The following RBM33 variants were observed in gnomAD, a reference collection of about 807,000 sequenced individuals.
RBM33 encodes RNA-binding protein 33.
A neutral mutation model predicts 132.6 loss-of-function variants in RBM33; 28 were observed. That is an observed-to-expected ratio of 0.21 (90% CI 0.16 to 0.29). The LOEUF (loss-of-function observed/expected upper bound fraction) is 0.29, where lower values mean the gene tolerates loss of function less well. Ranked by LOEUF, RBM33 falls within the 10% of genes least tolerant of loss-of-function variation. The pLI, the probability that RBM33 is intolerant of heterozygous loss-of-function variation, is 1.00. For missense variants in RBM33, 1,291 were observed against 1,518.5 expected (o/e 0.85, Z 2.49); for synonymous variants, 634 against 593.0 (o/e 1.07, Z -1.01).
intron 9 of RBM33, among the ~76,000 whole-genome samples, chr7:155,723,378 A>G (rs145607922): frequency 6.6e-6 from 1 of 152,322 alleles, no homozygotes; most frequent in Non-Finnish European, 1.5e-5. Flanking sequence ...CAGATCTATA[A>G]GTAGTAGCAG....
intron 1 of RBM33, among the ~76,000 whole-genome samples, chr7:155,647,072 C>T (rs1481492626): frequency 6.6e-6 from 1 of 152,184 alleles, no homozygotes; most frequent in Non-Finnish European, 1.5e-5. Context: ...GCTTATTTGG[C>T]AGCTCAGTTT....
intron 1 of RBM33, among the ~76,000 whole-genome samples, chr7:155,658,188 C>T (rs1236215003): frequency 1.3e-5 from 2 of 151,986 alleles, no homozygotes; most frequent in South Asian, 4.1e-4. Flanking sequence ...GATGAATTGA[C>T]CCTTTGATCG....
At chr7:155,663,562 C>T (rs887394636) in intron 1 of RBM33, among the ~76,000 whole-genome samples, 6 of 152,146 alleles carry the variant, frequency 3.9e-5, no homozygotes, top group African/African-American at 1.4e-4. Flanking sequence ...CCGGATCTGC[C>T]CCGGGACCCC....
intron 1 of RBM33, among the ~76,000 whole-genome samples, chr7:155,653,909 G>A (rs531529580): frequency 6.6e-6 from 1 of 152,260 alleles, no homozygotes; most frequent in African/African-American, 2.4e-5. Context: ...TCTGAAGTGG[G>A]GCAGCCTTGT....
chr7:155,719,587 A>G (rs10226125), intron 9 of RBM33, among the ~76,000 whole-genome samples: 42,204 of 152,010 alleles, frequency 0.28, 6,877 homozygotes, highest in African/African-American at 0.45. Flanking sequence ...AAAACATTAG[A>G]TGATATTTAT....
intron 8 of RBM33, among the ~76,000 whole-genome samples, chr7:155,711,967 C>G (rs780046197): frequency 6.6e-6 from 1 of 152,234 alleles, no homozygotes; most frequent in Non-Finnish European, 1.5e-5. Flanking sequence ...TTCCTTGGCT[C>G]TTCCCCATTC....
At chr7:155,719,565 T>C (rs1027785606) in intron 9 of RBM33, among the ~76,000 whole-genome samples, 2 of 152,196 alleles carry the variant, frequency 1.3e-5, no homozygotes, top group Non-Finnish European at 2.9e-5. Context: ...GTTCTAAAAA[T>C]TAGTTGTTTT....
intron 6 of RBM33, among the ~76,000 whole-genome samples, chr7:155,702,439 A>G (rs1208055872): frequency 6.6e-6 from 1 of 152,186 alleles, no homozygotes; most frequent in African/African-American, 2.4e-5. Context: ...TATGATATGA[A>G]GTTGCCAGTT....
chr7:155,722,072 A>G (rs1800644278), intron 9 of RBM33, among the ~76,000 whole-genome samples: 1 of 152,194 alleles, frequency 6.6e-6, no homozygotes, highest in African/African-American at 2.4e-5. Flanking sequence ...AATTAGATTT[A>G]TGTACTTAAT....
chr7:155,712,873 A>G (rs899383011), intron 8 of RBM33, among the ~76,000 whole-genome samples: 3 of 152,240 alleles, frequency 2.0e-5, no homozygotes, highest in Admixed American at 6.5e-5. Flanking sequence ...GGGTTTGAGC[A>G]GAGGAATGAC....
At chr7:155,719,188 T>C (rs1057262764) in intron 9 of RBM33, among the ~76,000 whole-genome samples, 2 of 151,762 alleles carry the variant, frequency 1.3e-5, no homozygotes, top group African/African-American at 4.9e-5. Context: ...TTTTTTTTTT[T>C]AAACAGTGTA....
chr7:155,745,437 G>A lies in RBM33; in HGVS notation c.2814G>A (p.Val938=). 1.2e-6 allele frequency: 2 copies of A among 1,613,882 alleles called. No individual in the cohort carries two copies. The highest frequency in any genetic ancestry group is 1.7e-6 in the Non-Finnish European group (2 of 1,179,862). Reference sequence around the variant, plus strand: ...TGCTCCCGATCAAACCTGCAGATGTGGAGGAGCCAGCTGTCCCCCAGACTC... The same window carrying A: ...TGCTCCCGATCAAACCTGCAGATGTAGAGGAGCCAGCTGTCCCCCAGACTC... ...HKVLPIKPAD[V]EEPAVPQTPR... is the part of the protein sequence containing the mutation. The change falls in exon 14 of 18, where the codon GTG becomes GTA. Residue 938 remains valine, a synonymous_variant. Transcript: ENST00000401878. The surrounding 1 kb of genome is among the most constrained non-coding windows in gnomAD (Gnocchi z 4.1).
chr7:155,661,146 A>ATATT (rs1421586760), intron 1 of RBM33, among the ~76,000 whole-genome samples: 26 of 81,188 alleles, frequency 3.2e-4, no homozygotes, highest in East Asian at 1.4e-3. Flanking sequence ...ATATATATAT[A>ATATT]TTTTTTTTTT....
chr7:155,708,854 T>C (rs1439286742), intron 7 of RBM33, among the ~76,000 whole-genome samples: 1 of 152,166 alleles, frequency 6.6e-6, no homozygotes, highest in East Asian at 1.9e-4. Flanking sequence ...ATTTTGTCTC[T>C]TTGAGTCTTG....
chr7:155,741,871 C>G lies in RBM33; in HGVS notation c.2102C>G (p.Thr701Ser). The G allele has an allele frequency of 1.2e-6, 2 of 1,614,066 alleles. No individual in the cohort carries two copies. The highest frequency in any genetic ancestry group is 1.7e-6 in the Non-Finnish European group (2 of 1,179,898). The change falls in exon 13 of 18, where the codon ACT (threonine) becomes AGT (serine). Residue 701 changes from threonine (T) to serine (S), a missense_variant. Coordinates refer to ENST00000401878, the MANE Select transcript of RBM33 (RefSeq NM_053043.3). The part of the protein sequence containing the change: ...SKRPMQQMQP[T>S]APRNSNLREL... ...CGGCCCATGCAGCAAATGCAGCCCA[C>G]TGCGCCAAGGAACAGCAATTTGCGT... is the stretch of plus-strand genomic sequence containing the variant.
chr7:155,648,007 T>C (rs965753251), intron 1 of RBM33, among the ~76,000 whole-genome samples: 2 of 152,220 alleles, frequency 1.3e-5, no homozygotes, highest in African/African-American at 4.8e-5. Context: ...ACTTAAGATT[T>C]ACAACAGCAT....
At chr7:155,764,071 G>A in intron 15 of RBM33, 53 bp downstream of exon 15, 2 of 1,386,162 alleles carry the variant, frequency 1.4e-6, no homozygotes, top group Non-Finnish European at 1.9e-6. Flanking sequence ...CCGGTGTGAG[G>A]CAGTGTTCAG....
intron 1 of RBM33, chr7:155,645,278 G>A (rs1798152057): frequency 4.4e-6 from 1 of 225,302 alleles, no homozygotes; most frequent in African/African-American, 2.3e-5. Flanking sequence ...GTGTCACTTA[G>A]GGAGAGCGGG....
intron 6 of RBM33, among the ~76,000 whole-genome samples, chr7:155,705,500 A>G (rs1175889600): frequency 2.0e-5 from 3 of 152,200 alleles, no homozygotes; most frequent in African/African-American, 7.2e-5. Flanking sequence ...CATATAAACA[A>G]TTTCAAGAAA....
Sources: gnomAD v4.1 joint callset for allele counts (sites outside exome capture counted in the v4.1 genomes callset) on GRCh38, gnomAD v4.1.1 for gene constraint, Gnocchi (gnomAD v3.1) non-coding constraint, MANE v1.5 for transcripts, NCBI Gene and HGNC (gene_info 2026-07-23, HGNC 2026-07-21) for gene names.